Variants in PTGFRN observed in about 807,000 individuals in gnomAD.
The protein encoded by PTGFRN is prostaglandin F2 receptor negative regulator.
In PTGFRN, 35 loss-of-function variants were observed where a neutral mutation model predicts 83.2. That is an observed-to-expected ratio of 0.42 (90% CI 0.32 to 0.56). PTGFRN has a LOEUF of 0.56. PTGFRN is among the 20% of genes least tolerant of loss of function. The pLI, the probability that PTGFRN is intolerant of heterozygous loss-of-function variation, is 0.11. For synonymous variants in PTGFRN, 519 were observed against 498.6 expected (o/e 1.04, Z -0.55); for missense variants, 1,051 against 1,179.5 (o/e 0.89, Z 1.60).
At chr1:116,966,788 C>T (rs1021433039) in intron 5 of PTGFRN, 123 bp from the exon 6 acceptor site, 13 of 1,031,226 alleles carry the variant, frequency 1.3e-5, no homozygotes, top group East Asian at 1.0e-4. Context: ...TCCAGATTTT[C>T]GTAGGTGCTT....
chr1:116,975,306 T>C (rs866134424), intron 7 of PTGFRN, among the ~76,000 whole-genome samples: 2 of 152,332 alleles, frequency 1.3e-5, no homozygotes, highest in African/African-American at 4.8e-5. Flanking sequence ...GGGCAGGGCA[T>C]AGCCAAACAA....
At chr1:116,943,907 G>C (rs879808910) in intron 2 of PTGFRN, among the ~76,000 whole-genome samples, 4 of 152,184 alleles carry the variant, frequency 2.6e-5, no homozygotes, top group Non-Finnish European at 5.9e-5. Flanking sequence ...AAGCCTGATA[G>C]ATTTTTCCCT....
chr1:116,939,118 G>A (rs939438857), intron 1 of PTGFRN, among the ~76,000 whole-genome samples: 12 of 152,242 alleles, frequency 7.9e-5, no homozygotes, highest in Non-Finnish European at 1.6e-4. Flanking sequence ...GGCTTTTCCA[G>A]GTGAACGGTG....
At position 116,944,345 on chromosome 1, in the gene PTGFRN, A is replaced by C. The variant is rs1376552760; in HGVS notation, c.419-334A>C. ...CATGTCAACTCTATGACGAAGGTCC[A>C]GTTGTCATCCTCCTTTTAGGAAACT... On this transcript the variant is annotated intron_variant, in intron 2 of 8. Coordinates refer to ENST00000393203, the MANE Select transcript of PTGFRN (RefSeq NM_020440.4). 2.0e-5 allele frequency among the ~76,000 whole-genome samples: 3 copies of C among 152,356 alleles called. No individual in the cohort carries two copies. In the East Asian group the frequency reaches 5.8e-4, roughly 29 times the overall value.
At chr1:116,965,363 A>G (rs961355134) in intron 5 of PTGFRN, among the ~76,000 whole-genome samples, 2 of 152,158 alleles carry the variant, frequency 1.3e-5, no homozygotes, top group Admixed American at 6.5e-5. Context: ...CAGTGGCACC[A>G]TCATAACTCG....
intron 1 of PTGFRN, among the ~76,000 whole-genome samples, chr1:116,915,642 C>T (rs907617764): frequency 2.0e-5 from 3 of 152,164 alleles, no homozygotes; most frequent in Non-Finnish European, 2.9e-5. Flanking sequence ...TTTGTTTTAG[C>T]GATGAGCTGC....
chr1:116,938,471 AC>A (rs1299509584), intron 1 of PTGFRN, among the ~76,000 whole-genome samples: 1 of 151,364 alleles, frequency 6.6e-6, no homozygotes, highest in African/African-American at 2.4e-5. Flanking sequence ...TGTGCAGGGA[AC>A]CTCCCCTTTT....
chr1:116,974,184 G>A (rs768851620), intron 6 of PTGFRN, 32 bp from the exon 7 acceptor site: 1 of 1,478,854 alleles, frequency 6.8e-7, no homozygotes, highest in Non-Finnish European at 9.4e-7. Flanking sequence ...GCATGAAAGA[G>A]AATAATGAGG....
intron 6 of PTGFRN, 28 bp downstream of exon 6, chr1:116,967,358 G>A (rs1412435814): frequency 6.3e-7 from 1 of 1,588,824 alleles, no homozygotes; most frequent in Non-Finnish European, 8.6e-7. Context: ...TTGAATCATA[G>A]GTGGAGCTAG....
In PTGFRN at chr1:116,909,990, G is replaced by A. The variant is rs1649213269; in HGVS notation, c.-214G>A. ...GCCGGCTCCCGGGCCCGGCCGGCTG[G>A]AGGAGGGAGGGAAGGAGGCGGGAGG... On this transcript the variant is annotated 5_prime_UTR_variant, in exon 1 of 9. Transcript: ENST00000393203. The A allele has an allele frequency of 6.5e-6, 4 of 615,192 alleles. No individual in the cohort carries two copies. Among genetic ancestry groups the A allele is most frequent in the Non-Finnish European group, 1.1e-5 (4 of 349,614 alleles). The allele number at this position is 615,192 out of a possible 1,614,324, so 38.1% of individuals were successfully genotyped here. A position where few individuals can be genotyped will look rare whatever the true frequency, so the allele number is the denominator to read the frequency against.
In PTGFRN at chr1:116,988,401, C is replaced by T. The variant is rs1379909626; in HGVS notation, c.*1434C>T. The T allele has an allele frequency of 3.3e-5, 5 of 152,678 alleles. No homozygotes were observed. The highest frequency in any genetic ancestry group is 7.2e-5 in the African/African-American group (3 of 41,418). 9.5% of individuals were successfully genotyped at this position (152,678 alleles called of 1,614,324 possible). On this transcript the variant is annotated 3_prime_UTR_variant, in exon 9 of 9. Transcript: ENST00000393203. ...TAAAAGCTCTGTCCTTGGAGCCTCCCGCTCCCTGAAGTGTCTCGCCCCCTG... is the reference window on the plus strand; with the variant it reads ...TAAAAGCTCTGTCCTTGGAGCCTCCTGCTCCCTGAAGTGTCTCGCCCCCTG...
At chr1:116,917,323 G>A (rs554740531) in intron 1 of PTGFRN, among the ~76,000 whole-genome samples, 156 of 152,232 alleles carry the variant, frequency 1.0e-3, no homozygotes, top group Non-Finnish European at 1.8e-3. Flanking sequence ...GGATCCAGGC[G>A]TCTCTAAGCA....
chr1:116,951,203 G>A (rs1461308541), intron 4 of PTGFRN, among the ~76,000 whole-genome samples: 1 of 152,234 alleles, frequency 6.6e-6, no homozygotes, highest in African/African-American at 2.4e-5. Flanking sequence ...TACCCGGGGG[G>A]AGATGCAGGG....
At chr1:116,951,805 T>C (rs1235862611) in intron 4 of PTGFRN, among the ~76,000 whole-genome samples, 1 of 152,200 alleles carries the variant, frequency 6.6e-6, no homozygotes, top group Non-Finnish European at 1.5e-5. Context: ...CGCTGGACTC[T>C]GTCCAGAAGC....
chr1:116,926,211 G>C (rs1649658555), intron 1 of PTGFRN, among the ~76,000 whole-genome samples: 1 of 152,198 alleles, frequency 6.6e-6, no homozygotes, highest in Non-Finnish European at 1.5e-5. Context: ...AATTATCTCA[G>C]GTGCCTTTTA....
chr1:116,938,296 A>G (rs1005487494), intron 1 of PTGFRN, among the ~76,000 whole-genome samples: 3 of 152,182 alleles, frequency 2.0e-5, no homozygotes, highest in Admixed American at 2.0e-4. Context: ...GTCCGTTTTC[A>G]CGCTGCTGAT....
intron 1 of PTGFRN, among the ~76,000 whole-genome samples, chr1:116,921,013 T>G (rs1302800032): frequency 6.6e-6 from 1 of 152,222 alleles, no homozygotes; most frequent in African/African-American, 2.4e-5. Context: ...TCCTTTTCAT[T>G]GCTTTGGTCT....
chr1:116,936,561 C>G (rs1649924961), intron 1 of PTGFRN, among the ~76,000 whole-genome samples: 2 of 152,162 alleles, frequency 1.3e-5, no homozygotes, highest in South Asian at 4.1e-4. Flanking sequence ...GGAGGTGGTG[C>G]TGCAGCTGCT....
rs117948960 is a variant in PTGFRN, at chr1:116,936,669, A to G, written c.50-5046A>G. The stretch of plus-strand genomic sequence containing the variant: ...GCACCAGAGAGTATGGCATTTCCAG[A>G]AAGTGAAGAGATGTTTGTTTTGTGG... On this transcript the variant is annotated intron_variant, in intron 1 of 8. Coordinates refer to ENST00000393203, the MANE Select transcript of PTGFRN (RefSeq NM_020440.4). Among the ~76,000 whole-genome samples, 8 of 152,314 alleles carry G rather than the reference A, an allele frequency of 5.3e-5. No homozygotes were observed. In the East Asian group the frequency reaches 1.5e-3, roughly 29 times the overall value.
Sources: gnomAD v4.1 joint callset for allele counts (sites outside exome capture counted in the v4.1 genomes callset) on GRCh38, gnomAD v4.1.1 for gene constraint, MANE v1.5 for transcripts, NCBI Gene and HGNC (gene_info 2026-07-23, HGNC 2026-07-21) for gene names.